Variants in LRRTM4 observed in about 807,000 individuals in gnomAD.
LRRTM4 encodes leucine rich repeat transmembrane neuronal 4.
In LRRTM4, 25 loss-of-function variants were observed where a neutral mutation model predicts 47.6. The observed-to-expected ratio is 0.53, with a 90% CI of 0.38 to 0.73. LRRTM4 has a LOEUF of 0.73. Among genes scored for constraint, LRRTM4 ranks in the 30% least tolerant of loss-of-function variants. LRRTM4 has a pLI of 0.00. For synonymous variants in LRRTM4, 311 were observed against 269.5 expected (o/e 1.15, Z -1.51); for missense variants, 638 against 713.4 (o/e 0.89, Z 1.20).
At chr2:77,089,300 C>T (rs1572948338) in intron 3 of LRRTM4, among the ~76,000 whole-genome samples, 2 of 139,448 alleles carry the variant, frequency 1.4e-5, no homozygotes, top group East Asian at 2.3e-4. Context: ...ACCCCTTCTC[C>T]TTCACTCTTA....
intron 3 of LRRTM4, among the ~76,000 whole-genome samples, chr2:76,938,388 T>C (rs982552302): frequency 4.1e-5 from 5 of 121,500 alleles, no homozygotes; most frequent in African/African-American, 5.6e-5. Context: ...CAAAAGAATA[T>C]AAATTGTTAA....
At chr2:77,283,188 A>C (rs928976131) in intron 3 of LRRTM4, among the ~76,000 whole-genome samples, 3 of 152,110 alleles carry the variant, frequency 2.0e-5, no homozygotes, top group African/African-American at 7.2e-5. Flanking sequence ...GACACTTCTC[A>C]AAAGAAGACA....
intron 3 of LRRTM4, among the ~76,000 whole-genome samples, chr2:77,459,121 T>G (rs955489002): frequency 6.6e-6 from 1 of 152,070 alleles, no homozygotes; most frequent in Non-Finnish European, 1.5e-5. Flanking sequence ...AAAATAATAA[T>G]AATAAAACAA....
chr2:77,111,283 ATTTTTTTTTT>A (rs71381260), intron 3 of LRRTM4, among the ~76,000 whole-genome samples: 1 of 113,168 alleles, frequency 8.8e-6, no homozygotes. Context: ...ACACCTGGCT[ATTTTTTTTTT>A]TTTTTTTTTG....
chr2:77,475,059 A>G (rs1677332918), intron 3 of LRRTM4, among the ~76,000 whole-genome samples: 1 of 152,134 alleles, frequency 6.6e-6, no homozygotes, highest in South Asian at 2.1e-4. Context: ...TTTGAAAATC[A>G]GACAAACAGA....
chr2:77,412,777 A>G (rs1376402365), intron 3 of LRRTM4, among the ~76,000 whole-genome samples: 1 of 152,222 alleles, frequency 6.6e-6, no homozygotes, highest in African/African-American at 2.4e-5. Flanking sequence ...ATATATAAAA[A>G]TTAAAATAAA....
chr2:77,155,886 C>T (rs1047276029), intron 3 of LRRTM4, among the ~76,000 whole-genome samples: 26 of 152,146 alleles, frequency 1.7e-4, no homozygotes, highest in African/African-American at 5.8e-4. Flanking sequence ...AACAGGGAAC[C>T]TTTTAAGTTT....
chr2:77,315,256 C>T (rs920517), intron 3 of LRRTM4, among the ~76,000 whole-genome samples: 55,122 of 151,932 alleles, frequency 0.36, 11,894 homozygotes, highest in East Asian at 0.59. Flanking sequence ...ACTAGTAAAG[C>T]TTGCTTAAAA....
At chr2:77,392,608 A>G (rs1673547281) in intron 3 of LRRTM4, among the ~76,000 whole-genome samples, 1 of 152,072 alleles carries the variant, frequency 6.6e-6, no homozygotes, top group South Asian at 2.1e-4. Context: ...GGTAAGGGAA[A>G]TAAGCCAGGC....
chr2:76,775,969 T>A (rs10204264), intron 3 of LRRTM4, among the ~76,000 whole-genome samples: 1 of 149,554 alleles, frequency 6.7e-6, no homozygotes, highest in African/African-American at 2.5e-5. Flanking sequence ...CATATGATCT[T>A]ATTGTTCACT....
chr2:77,459,576 C>T (rs1157116114), intron 3 of LRRTM4, among the ~76,000 whole-genome samples: 1 of 151,696 alleles, frequency 6.6e-6, no homozygotes, highest in Non-Finnish European at 1.5e-5. Context: ...TGGTCCCTTA[C>T]ACTACATCAT....
chr2:77,291,195 A>C (rs1426323533), intron 3 of LRRTM4, among the ~76,000 whole-genome samples: 1 of 152,110 alleles, frequency 6.6e-6, no homozygotes, highest in Non-Finnish European at 1.5e-5. Context: ...AATGAAAATA[A>C]GGATTTATTA....
intron 3 of LRRTM4, among the ~76,000 whole-genome samples, chr2:77,464,073 A>G (rs1415137242): frequency 6.6e-6 from 1 of 152,142 alleles, no homozygotes; most frequent in Non-Finnish European, 1.5e-5. Context: ...TTGATGGACT[A>G]GTAAGACCAT....
At chr2:77,104,667 C>G (rs1251153243) in intron 3 of LRRTM4, among the ~76,000 whole-genome samples, 1 of 152,142 alleles carries the variant, frequency 6.6e-6, no homozygotes, top group East Asian at 1.9e-4. Flanking sequence ...AATATTGAAA[C>G]CTCCTCAAAC....
At chr2:77,078,678 T>C (rs1489682832) in intron 3 of LRRTM4, among the ~76,000 whole-genome samples, 2 of 152,140 alleles carry the variant, frequency 1.3e-5, no homozygotes, top group African/African-American at 2.4e-5. Context: ...ACACATATAG[T>C]TTAGTACAGT....
At chr2:77,277,879 A>G (rs1004361825) in intron 3 of LRRTM4, among the ~76,000 whole-genome samples, 11 of 152,016 alleles carry the variant, frequency 7.2e-5, no homozygotes, top group African/African-American at 2.2e-4. Flanking sequence ...AACTGCAGCT[A>G]TTCATTTCAT....
intron 3 of LRRTM4, among the ~76,000 whole-genome samples, chr2:77,496,787 T>C (rs62159461): frequency 9.8e-4 from 149 of 151,900 alleles, no homozygotes; most frequent in Non-Finnish European, 1.8e-3. Flanking sequence ...TATAATGATG[T>C]AGTGATGGCC....
At chr2:77,284,774 A>G (rs1040478818) in intron 3 of LRRTM4, among the ~76,000 whole-genome samples, 7 of 152,136 alleles carry the variant, frequency 4.6e-5, no homozygotes, top group African/African-American at 1.7e-4. Flanking sequence ...GAGGCAAATT[A>G]TAAGGAAATT....
At chr2:76,756,508 T>C (rs1673034662) in intron 3 of LRRTM4, among the ~76,000 whole-genome samples, 1 of 152,180 alleles carries the variant, frequency 6.6e-6, no homozygotes, top group Non-Finnish European at 1.5e-5. Flanking sequence ...TTGAACAATT[T>C]AAAAGAGTTT....
Sources: allele counts gnomAD v4.1 joint callset (sites outside exome capture counted in the v4.1 genomes callset), GRCh38; gene constraint gnomAD v4.1.1; transcripts MANE v1.5; gene names NCBI Gene and HGNC (gene_info 2026-07-23, HGNC 2026-07-21).